Variants in B4GALT1 observed in about 807,000 individuals in gnomAD.
The protein encoded by B4GALT1 is beta-1,4-galactosyltransferase 1.
A neutral mutation model predicts 34.9 loss-of-function variants in B4GALT1; 16 were observed. The ratio of observed to expected loss-of-function variants is 0.46; its 90% CI spans 0.31 to 0.70. The LOEUF (loss-of-function observed/expected upper bound fraction) is 0.70. B4GALT1 is among the 30% of genes least tolerant of loss of function. The pLI is 0.05. For missense variants in B4GALT1, 445 were observed against 530.5 expected, an observed-to-expected ratio of 0.84 and a Z score of 1.58; for synonymous variants, 221 against 218.1, an observed-to-expected ratio of 1.01 and a Z score of -0.12.
chr9:33,176,742 G>A, the B4GALT1 span, among the ~76,000 whole-genome samples: 7 of 151,998 alleles, frequency 4.6e-5, no homozygotes, highest in East Asian at 1.4e-3. Context: ...TGCCCATCAG[G>A]TACTACCTGC....
rs144669236 is a variant in B4GALT1 at position 33,120,645 on chromosome 9, A to G, written c.649-39T>C. 4.8e-5 allele frequency: 77 copies of G among 1,607,816 alleles called. No individual in the cohort carries two copies. In the African/African-American group the frequency reaches 1.0e-3, roughly 21 times the overall value. On this transcript the variant is annotated intron_variant, in intron 2 of 5. Transcript: ENST00000379731. ...AAAAACAGTGATATCAAATGCCTTA[A>G]AGCCTTTGGGCCAAACACTCACAGG...
At chr9:33,115,315 G>A (rs536135155) in intron 4 of B4GALT1, among the ~76,000 whole-genome samples, 2 of 152,242 alleles carry the variant, frequency 1.3e-5, no homozygotes, top group African/African-American at 4.8e-5. Flanking sequence ...GCTCAGACTG[G>A]CTCCTGGAGG....
At chr9:33,147,546 C>A (rs1385708525) in intron 1 of B4GALT1, among the ~76,000 whole-genome samples, 1 of 152,152 alleles carries the variant, frequency 6.6e-6, no homozygotes, top group East Asian at 1.9e-4. Context: ...CATGCCCGGC[C>A]AAGTCATTCT....
chr9:33,174,958 T>TAA, the B4GALT1 span, among the ~76,000 whole-genome samples: 13 of 13,356 alleles, frequency 9.7e-4, 1 homozygote, highest in Admixed American at 1.7e-3. Context: ...GACTCTGTCT[T>TAA]AAAAAAAAAA....
the B4GALT1 span, among the ~76,000 whole-genome samples, chr9:33,182,207 C>T: frequency 6.6e-6 from 1 of 152,182 alleles, no homozygotes; most frequent in East Asian, 1.9e-4. Context: ...CAGCATCATT[C>T]TATTCTCTGC....
At chr9:33,151,201 T>C (rs769564392) in intron 1 of B4GALT1, among the ~76,000 whole-genome samples, 1 of 152,224 alleles carries the variant, frequency 6.6e-6, no homozygotes, top group Admixed American at 6.5e-5. Context: ...AGTTAGCTTA[T>C]CCTGCGGCTT....
At chr9:33,155,363 C>G (rs901288296) in intron 1 of B4GALT1, among the ~76,000 whole-genome samples, 1 of 152,226 alleles carries the variant, frequency 6.6e-6, no homozygotes, top group Non-Finnish European at 1.5e-5. Flanking sequence ...CAAGACTGAG[C>G]CCGCCTACAT....
the B4GALT1 span, among the ~76,000 whole-genome samples, chr9:33,175,421 A>G: frequency 6.6e-6 from 1 of 152,264 alleles, no homozygotes; most frequent in South Asian, 2.1e-4. Flanking sequence ...TCCTGTTTTG[A>G]TGATTATATT....
intron 3 of B4GALT1, among the ~76,000 whole-genome samples, chr9:33,119,593 G>T (rs1839991404): frequency 2.6e-5 from 4 of 152,196 alleles, no homozygotes. Flanking sequence ...GCTCATGCCT[G>T]TAGTCCCAAC....
chr9:33,163,743 G>A (rs1042561951), intron 1 of B4GALT1, among the ~76,000 whole-genome samples: 1 of 152,224 alleles, frequency 6.6e-6, no homozygotes, highest in African/African-American at 2.4e-5. Context: ...AGAGGGCCTC[G>A]CTGCAGGGTT....
intron 2 of B4GALT1, 108 bp from the exon 3 acceptor site, chr9:33,120,714 G>A: frequency 8.7e-7 from 1 of 1,151,542 alleles, no homozygotes; most frequent in Admixed American, 1.9e-5. Flanking sequence ...GGAAACTCTT[G>A]GGCCTCACTT....
the B4GALT1 span, among the ~76,000 whole-genome samples, chr9:33,177,746 G>A: frequency 6.6e-6 from 1 of 152,156 alleles, no homozygotes; most frequent in Non-Finnish European, 1.5e-5. Context: ...TTAACCCAGT[G>A]GTTTTCTGCT....
At chr9:33,151,533 T>C (rs1018016481) in intron 1 of B4GALT1, among the ~76,000 whole-genome samples, 3 of 152,236 alleles carry the variant, frequency 2.0e-5, no homozygotes, top group Non-Finnish European at 2.9e-5. Flanking sequence ...ACTTTAAATG[T>C]AGCCAGCTCC....
intron 3 of B4GALT1, among the ~76,000 whole-genome samples, chr9:33,119,787 T>C (rs1199583687): frequency 6.6e-6 from 1 of 152,116 alleles, no homozygotes; most frequent in Non-Finnish European, 1.5e-5. Flanking sequence ...GGGGGAAAAC[T>C]ATTCCAATTT....
intron 1 of B4GALT1, among the ~76,000 whole-genome samples, chr9:33,141,815 C>T (rs570865352): frequency 6.6e-6 from 1 of 152,274 alleles, no homozygotes; most frequent in Admixed American, 6.5e-5. Flanking sequence ...CTCTGCTTCT[C>T]TGCCACCTGC....
chr9:33,116,166 TC>T, intron 3 of B4GALT1, 53 bp from the exon 4 acceptor site: 2 of 1,597,410 alleles, frequency 1.3e-6, no homozygotes, highest in Non-Finnish European at 1.7e-6. Flanking sequence ...AGTTCTGACA[TC>T]CCCAAAATAA....
At chr9:33,105,813 T>C (rs1839791451), downstream of B4GALT1, among the ~76,000 whole-genome samples, 1 of 151,758 alleles carries the variant, frequency 6.6e-6, no homozygotes, top group Non-Finnish European at 1.5e-5. Flanking sequence ...TCCTCCCCTT[T>C]TAAGGCTGAC....
At chr9:33,164,551 T>C (rs1840720417) in intron 1 of B4GALT1, among the ~76,000 whole-genome samples, 1 of 152,226 alleles carries the variant, frequency 6.6e-6, no homozygotes, top group African/African-American at 2.4e-5. Flanking sequence ...CTCCAAAATG[T>C]TCTTTCTCAG....
intron 1 of B4GALT1, among the ~76,000 whole-genome samples, chr9:33,153,380 A>T (rs989834450): frequency 3.3e-5 from 5 of 152,210 alleles, no homozygotes; most frequent in African/African-American, 1.2e-4. Flanking sequence ...TAAAGATTAG[A>T]GAAGTTAATG....
Sources: gnomAD v4.1 joint callset for allele counts (sites outside exome capture counted in the v4.1 genomes callset) on GRCh38, gnomAD v4.1.1 for gene constraint, MANE v1.5 for transcripts, NCBI Gene and HGNC (gene_info 2026-07-23, HGNC 2026-07-21) for gene names.